The following LIPA variants were observed in gnomAD, a reference collection of about 807,000 sequenced individuals.
LIPA encodes the protein lipase A, lysosomal acid type, also known as lysosomal acid lipase/cholesteryl ester hydrolase.
A neutral mutation model predicts 40.6 loss-of-function variants in LIPA; 26 were observed. The ratio of observed to expected loss-of-function variants is 0.64; its 90% CI spans 0.47 to 0.89. LIPA has a LOEUF of 0.89. Among genes scored for constraint, LIPA ranks in the 40% least tolerant of loss-of-function variants. LIPA has a pLI of 0.00. For missense variants in LIPA, 455 were observed against 479.6 expected (o/e 0.95, Z 0.48); for synonymous variants, 188 against 168.4 (o/e 1.12, Z -0.90).
intron 1 of LIPA, among the ~76,000 whole-genome samples, chr10:89,327,500 G>A (rs1159414098): frequency 1.3e-5 from 2 of 152,020 alleles, no homozygotes; most frequent in Non-Finnish European, 1.5e-5. Flanking sequence ...GCAGTGAGAC[G>A]CAATCATGCC....
chr10:89,276,392 G>A (rs545059012), intron 1 of LIPA, among the ~76,000 whole-genome samples: 28 of 152,298 alleles, frequency 1.8e-4, no homozygotes, highest in Admixed American at 3.9e-4. Flanking sequence ...AACTCAATTA[G>A]CAGCCAGGCT....
chr10:89,229,793 C>A (rs1195947621), intron 3 of LIPA, among the ~76,000 whole-genome samples: 1 of 150,714 alleles, frequency 6.6e-6, no homozygotes, highest in African/African-American at 2.4e-5. Context: ...AAACTACGGA[C>A]TTTGTGTGAA....
chr10:89,231,040 G>C (rs997558051), intron 3 of LIPA, among the ~76,000 whole-genome samples: 4 of 151,990 alleles, frequency 2.6e-5, no homozygotes, highest in African/African-American at 9.7e-5. Flanking sequence ...AAATCCACTT[G>C]GTATAATAAT....
chr10:89,222,050 C>A (rs114911188), intron 8 of LIPA, among the ~76,000 whole-genome samples: 45 of 152,286 alleles, frequency 3.0e-4, no homozygotes, highest in African/African-American at 1.1e-3. Flanking sequence ...CCAGTTTATT[C>A]ACTGCTATTC....
intron 2 of LIPA, among the ~76,000 whole-genome samples, chr10:89,348,731 C>T (rs543661889): frequency 6.6e-4 from 100 of 152,322 alleles, no homozygotes; most frequent in Non-Finnish European, 6.6e-4. Flanking sequence ...AGCTTGCAAA[C>T]TTACTTCTCA....
chr10:89,244,801 T>G (rs569613157), intron 3 of LIPA, among the ~76,000 whole-genome samples: 5 of 152,162 alleles, frequency 3.3e-5, no homozygotes, highest in Non-Finnish European at 5.9e-5. Flanking sequence ...CTACAAGAAC[T>G]TTCATATATT....
At chr10:89,248,837 ACCTTTGGAGT>A (rs1484363177) in intron 1 of LIPA, among the ~76,000 whole-genome samples, 1 of 152,080 alleles carries the variant, frequency 6.6e-6, no homozygotes, top group African/African-American at 2.4e-5. Context: ...TTGATATATG[ACCTTTGGAGT>A]CCAGCATACC....
intron 2 of LIPA, among the ~76,000 whole-genome samples, chr10:89,388,000 G>A (rs1463970002): frequency 6.6e-6 from 1 of 152,140 alleles, no homozygotes; most frequent in African/African-American, 2.4e-5. Context: ...GGGAATGGTG[G>A]ATAAAATCAC....
At chr10:89,280,702 A>C (rs937052748) in intron 1 of LIPA, among the ~76,000 whole-genome samples, 4 of 152,220 alleles carry the variant, frequency 2.6e-5, no homozygotes, top group African/African-American at 9.6e-5. Flanking sequence ...TTTCTTCACC[A>C]TCTGGTTTCA....
intron 1 of LIPA, among the ~76,000 whole-genome samples, chr10:89,313,725 T>C (rs182618051): frequency 6.6e-6 from 1 of 152,364 alleles, no homozygotes; most frequent in East Asian, 1.9e-4. Flanking sequence ...AAGTACTTAC[T>C]GATACATGAT....
chr10:89,228,352 A>G lies in LIPA; in HGVS notation c.276T>C (p.Ser92=), dbSNP rs2133436705. Residue 92 remains serine, a synonymous_variant, in exon 4 of 10, where the codon TCT becomes TCC. Coordinates refer to ENST00000336233, the MANE Select transcript of LIPA (RefSeq NM_000235.4). ...TGGCAAGGTTTGTGACCCAGTTACT[A>G]GAATCTGCCAGCAAGCCATGTTGCA... is the stretch of plus-strand genomic sequence containing the variant. ...VFLQHGLLAD[S]SNWVTNLANS... is the part of the protein sequence containing the mutation. The G allele has an allele frequency of 6.2e-7, 1 of 1,614,244 alleles. No homozygotes were observed. Among genetic ancestry groups the G allele is most frequent in the Non-Finnish European group, 8.5e-7 (1 of 1,180,032 alleles).
chr10:89,333,400 A>G (rs1241806490), intron 1 of LIPA, among the ~76,000 whole-genome samples: 1 of 152,230 alleles, frequency 6.6e-6, no homozygotes, highest in Non-Finnish European at 1.5e-5. Flanking sequence ...GGCATACTGA[A>G]TGGCTTACAG....
intron 1 of LIPA, among the ~76,000 whole-genome samples, chr10:89,304,327 C>T (rs1021944508): frequency 2.6e-5 from 4 of 152,066 alleles, no homozygotes; most frequent in South Asian, 2.1e-4. Flanking sequence ...GATGCATTCC[C>T]GTTGAAAAGC....
At chr10:89,383,367 A>T in intron 2 of LIPA, 1 of 1,614,214 alleles carries the variant, frequency 6.2e-7, no homozygotes, top group Non-Finnish European at 8.5e-7. Flanking sequence ...TTCAGCTGAG[A>T]TGTCACTTTA....
At chr10:89,392,490 A>C in intron 2 of LIPA, 4 of 134,232 alleles carry the variant, frequency 3.0e-5, no homozygotes, top group Non-Finnish European at 4.5e-5. Context: ...CGTCAGCAGG[A>C]ATTCCGCTAG....
chr10:89,365,870 G>T (rs1394765749), intron 2 of LIPA, among the ~76,000 whole-genome samples: 2 of 152,246 alleles, frequency 1.3e-5, no homozygotes, highest in Non-Finnish European at 2.9e-5. Context: ...AGTATAGTTT[G>T]AAGTCAGGTA....
intron 1 of LIPA, among the ~76,000 whole-genome samples, chr10:89,259,895 G>A (rs1439668002): frequency 6.6e-6 from 1 of 152,158 alleles, no homozygotes; most frequent in Non-Finnish European, 1.5e-5. Flanking sequence ...CTTTGGGGAG[G>A]AGAGGAGGCT....
chr10:89,385,691 T>C (rs1844206668), intron 2 of LIPA, among the ~76,000 whole-genome samples: 1 of 152,224 alleles, frequency 6.6e-6, no homozygotes, highest in Non-Finnish European at 1.5e-5. Flanking sequence ...CTACTGTAGC[T>C]GGGACCTGCT....
At chr10:89,339,224 A>T (rs1198456823) in intron 1 of LIPA, 7 of 1,614,034 alleles carry the variant, frequency 4.3e-6, no homozygotes. Flanking sequence ...CCAGAGAAAC[A>T]GTTCTCTACT....
Sources: gnomAD v4.1 joint callset for allele counts (sites outside exome capture counted in the v4.1 genomes callset) on GRCh38, gnomAD v4.1.1 for gene constraint, MANE v1.5 for transcripts, NCBI Gene and HGNC (gene_info 2026-07-23, HGNC 2026-07-21) for gene names.